CAPG: variants seen among roughly 807,000 people sequenced by gnomAD.
The protein encoded by CAPG is capping actin protein, gelsolin like.
Under a neutral mutation model 44.6 loss-of-function variants are expected in CAPG, and 32 were observed. The ratio of observed to expected loss-of-function variants is 0.72; its 90% CI spans 0.54 to 0.96. The LOEUF (loss-of-function observed/expected upper bound fraction) is 0.96, where lower values mean the gene tolerates loss of function less well. CAPG is among the 50% of genes least tolerant of loss of function. CAPG has a pLI of 0.00. For synonymous variants in CAPG, 175 were observed against 179.6 expected (o/e 0.97, Z 0.20); for missense variants, 412 against 438.3 (o/e 0.94, Z 0.54).
chr2:85,397,947 G>C, intron 8 of CAPG, 73 bp downstream of exon 8: 1 of 1,471,396 alleles, frequency 6.8e-7, no homozygotes, highest in Non-Finnish European at 9.4e-7. Context: ...GACAGGCTGA[G>C]TCCTGCAAAG....
intron 5 of CAPG, among the ~76,000 whole-genome samples, chr2:85,400,298 C>T (rs1686818919): frequency 6.6e-6 from 1 of 152,324 alleles, no homozygotes; most frequent in East Asian, 1.9e-4. Context: ...CTACCCACCG[C>T]CCTGCCAGGC....
At chr2:85,402,655 G>A (rs1422309496) in intron 1 of CAPG, among the ~76,000 whole-genome samples, 2 of 151,836 alleles carry the variant, frequency 1.3e-5, no homozygotes, top group African/African-American at 2.4e-5. Flanking sequence ...TAGTAGAGAT[G>A]GGGTTTTGCC....
intron 4 of CAPG, 33 bp downstream of exon 4, chr2:85,401,496 G>A (rs780277550): frequency 3.1e-6 from 5 of 1,609,988 alleles, no homozygotes; most frequent in Admixed American, 3.3e-5. Context: ...GAGGGAAGCT[G>A]CAGGGTGGGG....
intron 5 of CAPG, among the ~76,000 whole-genome samples, chr2:85,400,722 A>G (rs1686840461): frequency 6.6e-6 from 1 of 150,732 alleles, no homozygotes; most frequent in South Asian, 2.1e-4. Flanking sequence ...TCCCTGCCCC[A>G]AGACCCCCCC....
rs775075074 is a variant in CAPG at position 85,398,136 on chromosome 2, C to T, written c.776G>A (p.Gly259Glu). The change falls in exon 8 of 10, where the codon GGA becomes GAA. Residue 259 changes from glycine to glutamate, a missense_variant. Physicochemically the swap from Gly to Glu is moderately conservative, Grantham distance 98. Coordinates refer to ENST00000263867, the MANE Select transcript of CAPG (RefSeq NM_001747.4). Reference sequence around the variant, plus strand: ...AGCCACCTTGGTCAGGTTCATCTGTCCAGTGGCATCAGAGACCTGGGGAGG... The same window carrying T: ...AGCCACCTTGGTCAGGTTCATCTGTTCAGTGGCATCAGAGACCTGGGGAGG... Reference protein sequence around the residue: ...AALYKVSDATGQMNLTKVADS... With the variant: ...AALYKVSDATEQMNLTKVADS... The T allele has an allele frequency of 2.1e-5, 34 of 1,613,608 alleles. No individual in the cohort carries two copies. The African/African-American group carries it at 4.4e-4, about 21-fold the overall frequency.
chr2:85,409,512 C>T (rs529569707), intron 1 of CAPG, among the ~76,000 whole-genome samples: 1 of 152,202 alleles, frequency 6.6e-6, no homozygotes, highest in Admixed American at 6.5e-5. Flanking sequence ...ATTCCACTGA[C>T]CCCCAATAGG....
intron 7 of CAPG, 68 bp downstream of exon 7, chr2:85,398,622 T>C: frequency 2.3e-6 from 3 of 1,288,366 alleles, no homozygotes; most frequent in Non-Finnish European, 3.3e-6. Context: ...CCTGCTTGCA[T>C]GCAGCTGTGC....
chr2:85,414,296 G>A (rs1687501731), upstream of CAPG, among the ~76,000 whole-genome samples: 1 of 152,190 alleles, frequency 6.6e-6, no homozygotes, highest in African/African-American at 2.4e-5. Context: ...TTCTGTGAGA[G>A]CCTACTATGT....
At position 85,395,319 on chromosome 2, in the gene CAPG, C is replaced by T. The variant is rs1023664155; in HGVS notation, c.981+219G>A. On this transcript the variant is annotated intron_variant, in intron 9 of 9. Transcript: ENST00000263867. The surrounding 1 kb of genome is among the most constrained non-coding windows in gnomAD (Gnocchi z 4.3). ...GAGGAGGAGTACCCAGTTCTCTGGGCACCCAGGAGAGTGCTGCCCAACATC... is the reference window on the plus strand; with the variant it reads ...GAGGAGGAGTACCCAGTTCTCTGGGTACCCAGGAGAGTGCTGCCCAACATC... 6.6e-6 allele frequency among the ~76,000 whole-genome samples: 1 copy of T among 152,228 alleles called. No homozygotes were observed. Among genetic ancestry groups the T allele is most frequent in the African/African-American group, 2.4e-5 (1 of 41,456 alleles).
rs866663336 is a variant in CAPG, at chr2:85,398,050, C to T, written c.862G>A (p.Gly288Arg). Reference sequence around the variant, plus strand: ...CAGATATAGATCTTGCCACAGAGCCCGTTGTCCAGCACAAAGCAGTCATCA... The same window carrying T: ...CAGATATAGATCTTGCCACAGAGCCTGTTGTCCAGCACAAAGCAGTCATCA... ...ISDDCFVLDN[G>R]LCGKIYIWKG... The change falls in exon 8 of 10, where the codon GGG (glycine) becomes AGG (arginine). Residue 288 changes from glycine to arginine, a missense_variant. Transcript: ENST00000263867. 1.9e-6 allele frequency: 3 copies of T among 1,614,046 alleles called. No homozygotes were observed. Among genetic ancestry groups the T allele is most frequent in the Admixed American group, 1.7e-5 (1 of 60,004 alleles).
upstream of CAPG, among the ~76,000 whole-genome samples, chr2:85,411,629 G>C (rs1008431262): frequency 2.0e-5 from 3 of 152,230 alleles, no homozygotes; most frequent in South Asian, 4.1e-4. Context: ...TGGTCAGCAG[G>C]CTGGCTTGAG....
At chr2:85,407,712 CA>C (rs60228110) in intron 1 of CAPG, among the ~76,000 whole-genome samples, 36,611 of 90,552 alleles carry the variant, frequency 0.4, 4,473 homozygotes, top group African/African-American at 0.43. Context: ...GACTCTGTCT[CA>C]AAAAAAAAAA....
chr2:85,395,707 G>A lies in CAPG; in HGVS notation c.893-81C>T. The A allele has an allele frequency of 9.9e-7, 1 of 1,013,960 alleles. No homozygotes were observed. The highest frequency in any genetic ancestry group is 1.6e-5 in the African/African-American group (1 of 63,102). The allele number at this position is 1,013,960 out of a possible 1,614,324, so 62.8% of individuals were successfully genotyped here. A position where few individuals can be genotyped will look rare whatever the true frequency, so the allele number is the denominator to read the frequency against. Reference sequence around the variant, plus strand: ...CCCATTTTTCTTGAGGAAATTTAAGGGAGTCCACAGAAGAGCCAGCAATTT... The same window carrying A: ...CCCATTTTTCTTGAGGAAATTTAAGAGAGTCCACAGAAGAGCCAGCAATTT... On this transcript the variant is annotated intron_variant, in intron 8 of 9. Transcript: ENST00000263867. The surrounding 1 kb of genome is among the most constrained non-coding windows in gnomAD (Gnocchi z 4.3).
At chr2:85,394,665 T>C, downstream of CAPG, 1 of 592,604 alleles carries the variant, frequency 1.7e-6, no homozygotes. Flanking sequence ...GCTGTCCAAT[T>C]GTCATCTGTG....
upstream of CAPG, among the ~76,000 whole-genome samples, chr2:85,414,778 A>G (rs1039228102): frequency 1.3e-5 from 2 of 152,022 alleles, no homozygotes; most frequent in Non-Finnish European, 2.9e-5. Flanking sequence ...GCAACACCTG[A>G]CCCTTCTCTT....
chr2:85,403,886 CAAAAAA>C (rs36054381), intron 1 of CAPG, among the ~76,000 whole-genome samples: 3 of 69,800 alleles, frequency 4.3e-5, no homozygotes, highest in East Asian at 5.3e-4. Flanking sequence ...GACTCCATCT[CAAAAAA>C]AAAAAAAAAA....
At chr2:85,408,338 TCACACACACACACACA>T (rs71390065) in intron 1 of CAPG, among the ~76,000 whole-genome samples, 58 of 129,574 alleles carry the variant, frequency 4.5e-4, no homozygotes, top group African/African-American at 1.6e-3. Context: ...GAAGAATCTG[TCACACACACACACACA>T]CACACACACA....
chr2:85,394,306 C>T (rs145918793), downstream of CAPG, among the ~76,000 whole-genome samples: 1,423 of 152,376 alleles, frequency 9.3e-3, 11 homozygotes, highest in Non-Finnish European at 0.016. Context: ...CCTGCAGTGG[C>T]CCTGGGCTCA....
At chr2:85,416,984 A>G (rs995047504) in intron 1 of CAPG, among the ~76,000 whole-genome samples, 11 of 152,176 alleles carry the variant, frequency 7.2e-5, no homozygotes, top group African/African-American at 2.2e-4. Context: ...CTTTTCTTAA[A>G]TCACTGCTAG....
Sources: allele counts gnomAD v4.1 joint callset (sites outside exome capture counted in the v4.1 genomes callset), GRCh38; gene constraint gnomAD v4.1.1; non-coding constraint Gnocchi (gnomAD v3.1); transcripts MANE v1.5; gene names NCBI Gene and HGNC (gene_info 2026-07-23, HGNC 2026-07-21).